PAG1: variants seen among roughly 807,000 people sequenced by gnomAD.
PAG1 encodes the protein phosphoprotein membrane anchor with glycosphingolipid microdomains 1.
In PAG1, 23 loss-of-function variants were observed where a neutral mutation model predicts 31.7. The observed-to-expected ratio is 0.73, with a 90% confidence interval of 0.52 to 1.03. The LOEUF (loss-of-function observed/expected upper bound fraction) is 1.03, where lower values mean the gene tolerates loss of function less well. Ranked by LOEUF, PAG1 falls within the 50% of genes least tolerant of loss-of-function variation. The probability of loss-of-function intolerance (pLI) is 0.00; values close to 1 mark genes in which losing one functional copy is unlikely to be tolerated. For missense variants in PAG1, 473 were observed against 540.7 expected, an observed-to-expected ratio of 0.87 and a Z score of 1.24; for synonymous variants, 214 against 210.3, an observed-to-expected ratio of 1.02 and a Z score of -0.15.
chr8:81,071,434 G>C (rs1809091748), intron 1 of PAG1, among the ~76,000 whole-genome samples: 1 of 152,134 alleles, frequency 6.6e-6, no homozygotes, highest in South Asian at 2.1e-4. Flanking sequence ...CCCACATCCT[G>C]GGCTACTAAG....
chr8:80,992,594 A>G (rs1198275301), intron 4 of PAG1, among the ~76,000 whole-genome samples: 1 of 152,248 alleles, frequency 6.6e-6, no homozygotes, highest in Non-Finnish European at 1.5e-5. Flanking sequence ...CTCTAAAAAA[A>G]GGACACTGAT....
chr8:81,020,302 G>A (rs1036547302), intron 3 of PAG1, among the ~76,000 whole-genome samples: 2 of 152,288 alleles, frequency 1.3e-5, no homozygotes, highest in Non-Finnish European at 2.9e-5. Flanking sequence ...GAAATGTGAG[G>A]ACATGAGATT....
At chr8:81,080,593 A>G (rs533865333) in intron 1 of PAG1, among the ~76,000 whole-genome samples, 1 of 152,246 alleles carries the variant, frequency 6.6e-6, no homozygotes, top group South Asian at 2.1e-4. Context: ...CAGTCCCTAA[A>G]CATCCTATAT....
chr8:81,034,730 C>T (rs1808434440), intron 2 of PAG1, among the ~76,000 whole-genome samples: 1 of 152,192 alleles, frequency 6.6e-6, no homozygotes, highest in African/African-American at 2.4e-5. Flanking sequence ...TCCAATAGTT[C>T]CCTGACATGG....
intron 7 of PAG1, 131 bp downstream of exon 7, chr8:80,984,645 A>G (rs1807375640): frequency 1.2e-6 from 1 of 830,854 alleles, no homozygotes; most frequent in Non-Finnish European, 1.9e-6. Flanking sequence ...CACAGCTTAC[A>G]TGAAAACAGC....
At chr8:81,025,716 C>T (rs1808264840) in intron 3 of PAG1, among the ~76,000 whole-genome samples, 1 of 152,164 alleles carries the variant, frequency 6.6e-6, no homozygotes, top group African/African-American at 2.4e-5. Context: ...TGCAGTTCAC[C>T]CTGACAGCCA....
intron 2 of PAG1, among the ~76,000 whole-genome samples, chr8:81,030,925 G>A (rs1554603368): frequency 1.3e-5 from 2 of 152,172 alleles, no homozygotes; most frequent in African/African-American, 2.4e-5. Flanking sequence ...ATGAAAGAAC[G>A]GCTGTGTTTA....
intron 1 of PAG1, among the ~76,000 whole-genome samples, chr8:81,073,619 A>G (rs529899369): frequency 2.0e-5 from 3 of 152,214 alleles, no homozygotes; most frequent in African/African-American, 7.2e-5. Context: ...CACATCTCCC[A>G]TGCTAGTATC....
rs1437931341 is a variant in PAG1 at position 80,976,397 on chromosome 8, T to C, written c.*147A>G. On this transcript the variant is annotated 3_prime_UTR_variant, in exon 9 of 9. Coordinates refer to ENST00000220597, the MANE Select transcript of PAG1 (RefSeq NM_018440.4). ...CTCTCTGTCTCAGAAACTGAACAAC[T>C]GGGAGAACAGTCGACAGGGCCTCTC... The C allele has an allele frequency of 3.9e-6, 3 of 778,350 alleles. No homozygotes were observed. Among genetic ancestry groups the C allele is most frequent in the African/African-American group, 1.7e-5 (1 of 57,544 alleles). The allele number at this position is 778,350 out of a possible 1,614,324, so 48.2% of individuals were successfully genotyped here.
chr8:81,014,629 A>C (rs1808041622), intron 3 of PAG1, among the ~76,000 whole-genome samples: 1 of 152,198 alleles, frequency 6.6e-6, no homozygotes, highest in South Asian at 2.1e-4. Flanking sequence ...ATGACTCTAA[A>C]TGTGATGGAA....
At chr8:81,109,026 G>A (rs1809735685) in intron 1 of PAG1, among the ~76,000 whole-genome samples, 1 of 150,958 alleles carries the variant, frequency 6.6e-6, no homozygotes, top group African/African-American at 2.4e-5. Context: ...GTGCAGGCAG[G>A]AAACCAAATG....
intron 1 of PAG1, among the ~76,000 whole-genome samples, chr8:81,109,634 T>C (rs962227984): frequency 6.6e-6 from 1 of 152,238 alleles, no homozygotes; most frequent in Non-Finnish European, 1.5e-5. Flanking sequence ...TCAATGTCCA[T>C]AGAGTCCAAA....
intron 3 of PAG1, among the ~76,000 whole-genome samples, chr8:81,006,095 A>G (rs1471470661): frequency 6.6e-6 from 1 of 152,046 alleles, no homozygotes; most frequent in Non-Finnish European, 1.5e-5. Flanking sequence ...GGCATGTGCC[A>G]CCATGCCTGG....
intron 3 of PAG1, among the ~76,000 whole-genome samples, chr8:81,023,562 A>C (rs1443057739): frequency 6.6e-6 from 1 of 151,348 alleles, no homozygotes; most frequent in Non-Finnish European, 1.5e-5. Flanking sequence ...GTTTCATTTG[A>C]CTCTGTTGTC....
chr8:81,110,435 TA>T (rs1223374698), intron 1 of PAG1, among the ~76,000 whole-genome samples: 3 of 152,196 alleles, frequency 2.0e-5, no homozygotes, highest in Non-Finnish European at 4.4e-5. Context: ...TCAATGATGA[TA>T]ATCCATAGCT....
At chr8:81,064,664 T>C (rs1383710500) in intron 2 of PAG1, among the ~76,000 whole-genome samples, 1 of 150,906 alleles carries the variant, frequency 6.6e-6, no homozygotes, top group African/African-American at 2.5e-5. Context: ...TCTAGTGTGC[T>C]TTTCATGTCA....
At chr8:81,064,181 T>C (rs1022561209) in intron 2 of PAG1, among the ~76,000 whole-genome samples, 4 of 152,196 alleles carry the variant, frequency 2.6e-5, no homozygotes, top group Admixed American at 6.5e-5. Context: ...ACCGGTTTCA[T>C]GGAAGACAAT....
chr8:80,998,484 C>T (rs1807726450), intron 3 of PAG1, among the ~76,000 whole-genome samples: 1 of 152,120 alleles, frequency 6.6e-6, no homozygotes, highest in Non-Finnish European at 1.5e-5. Flanking sequence ...CAGCCCTATG[C>T]AGCACTTTCT....
chr8:81,007,467 C>CAAAAAAAAAAAAAA (rs10563214), intron 3 of PAG1, among the ~76,000 whole-genome samples: 1 of 128,546 alleles, frequency 7.8e-6, no homozygotes, highest in Non-Finnish European at 1.6e-5. Context: ...TACAAAAATA[C>CAAAAAAAAAAAAAA]AAAAAAAAAA....
Sources: gnomAD v4.1 joint callset for allele counts (sites outside exome capture counted in the v4.1 genomes callset) on GRCh38, gnomAD v4.1.1 for gene constraint, MANE v1.5 for transcripts, NCBI Gene and HGNC (gene_info 2026-07-23, HGNC 2026-07-21) for gene names.